Variants in GSTA1 observed in about 807,000 individuals in gnomAD.
GSTA1 encodes glutathione S-transferase alpha 1.
Under a neutral mutation model 21.5 loss-of-function variants are expected in GSTA1, and 23 were observed. That is an observed-to-expected ratio of 1.07 (90% CI 0.77 to 1.52). GSTA1 has a LOEUF of 1.52. Ranked by LOEUF, GSTA1 falls within the 40% of genes most tolerant of loss-of-function variation. GSTA1 has a pLI of 0.00. For synonymous variants in GSTA1, 125 were observed against 90.0 expected (o/e 1.39, Z -2.20); for missense variants, 301 against 264.2 (o/e 1.14, Z -0.96).
In GSTA1 at chr6:52,797,639, T is replaced by C; in HGVS notation, c.88-2A>G. On this transcript the variant is annotated splice_acceptor_variant, in intron 2 of 6. Coordinates refer to ENST00000334575, the MANE Select transcript of GSTA1 (RefSeq NM_145740.5). LOFTEE classifies it high-confidence loss of function. ...AGATTTTATAAATTTCTCTTCAAAC[T>C]GGAAGCAGAAACAGTAAATACGTTC... 1.2e-6 allele frequency: 2 copies of C among 1,604,936 alleles called. No individual in the cohort carries two copies. The highest frequency in any genetic ancestry group is 1.7e-6 in the Non-Finnish European group (2 of 1,172,122).
chr6:52,797,522 G>A lies in GSTA1; in HGVS notation c.139+64C>T, dbSNP rs1333369157. The A allele has an allele frequency of 1.5e-4, 191 of 1,291,940 alleles. 1 individual carries two copies. The East Asian group carries it at 2.6e-3, about 18-fold the overall frequency. 80.0% of individuals were successfully genotyped at this position (1,291,940 alleles called of 1,614,324 possible). A position where few individuals can be genotyped will look rare whatever the true frequency, so the allele number is the denominator to read the frequency against. On this transcript the variant is annotated intron_variant, in intron 3 of 6. Transcript: ENST00000334575. Reference sequence around the variant, plus strand: ...CACACCCATAGACATTGCCGGCTGCGCAAACCTCCCCGTGTACCTTCTACT... The same window carrying A: ...CACACCCATAGACATTGCCGGCTGCACAAACCTCCCCGTGTACCTTCTACT...
chr6:52,797,735 G>A (rs777101355), intron 2 of GSTA1, 98 bp from the exon 3 acceptor site: 1 of 1,090,190 alleles, frequency 9.2e-7, no homozygotes, highest in Non-Finnish European at 1.4e-6. Flanking sequence ...GAGAATACAA[G>A]ATTTCTGAGT....
chr6:52,802,411 T>C (rs537431512), intron 1 of GSTA1, among the ~76,000 whole-genome samples: 1 of 152,200 alleles, frequency 6.6e-6, no homozygotes, highest in Non-Finnish European at 1.5e-5. Context: ...TTTTCTCTTC[T>C]TAGAATAGAG....
At position 52,796,307 on chromosome 6, in the gene GSTA1, A is replaced by G; in HGVS notation, c.147T>C (p.Tyr49=). Residue 49 remains tyrosine, a synonymous_variant, in exon 4 of 7, where the codon TAT becomes TAC. Transcript: ENST00000334575. ...CCATTGGCACTTGCTGGAACATCAA[A>G]TATCCATCTTTAGAAGGAAGAAAAA... ...EDLDKLRNDG[Y]LMFQQVPMVE... 2 of 1,613,794 alleles carry G rather than the reference A, an allele frequency of 1.2e-6. No homozygotes were observed. The highest frequency in any genetic ancestry group is 1.1e-5 in the South Asian group (1 of 91,048).
intron 1 of GSTA1, 112 bp from the exon 2 acceptor site, chr6:52,799,409 T>C: frequency 1.4e-6 from 1 of 695,578 alleles, no homozygotes; most frequent in South Asian, 2.1e-5. Flanking sequence ...TCCTTCTTCA[T>C]GACTGTGTTG....
chr6:52,794,525 C>A (rs185065696), intron 4 of GSTA1, among the ~76,000 whole-genome samples: 1 of 152,248 alleles, frequency 6.6e-6, no homozygotes, highest in Non-Finnish European at 1.5e-5. Flanking sequence ...TGGTCACAGT[C>A]ATGAGAGAAA....
chr6:52,796,096 T>C (rs1454935530), intron 4 of GSTA1, 86 bp downstream of exon 4: 16 of 1,596,126 alleles, frequency 1.0e-5, no homozygotes, highest in Non-Finnish European at 1.4e-5. Context: ...CTGGTCATGA[T>C]GCCCTGCCAT....
intron 3 of GSTA1, among the ~76,000 whole-genome samples, chr6:52,796,781 G>C (rs1763601282): frequency 6.6e-6 from 1 of 151,342 alleles, no homozygotes; most frequent in Non-Finnish European, 1.5e-5. Context: ...GAACTGAAAT[G>C]ATCTACCCAC....
Position 52,799,280 on chromosome 6 carries a change from C to T in GSTA1, c.-13G>A, listed in dbSNP as rs368676333. ...GCTTCTCTGCCATGATAGCAGTCTC[C>T]TGGAGGTTTCTCTAAGCCTGAATGA... is the stretch of plus-strand genomic sequence containing the variant. On this transcript the variant is annotated 5_prime_UTR_variant, in exon 2 of 7. Coordinates refer to ENST00000334575, the MANE Select transcript of GSTA1 (RefSeq NM_145740.5). 1.0e-5 allele frequency: 16 copies of T among 1,605,400 alleles called. No individual in the cohort carries two copies. The highest frequency in any genetic ancestry group is 1.4e-5 in the Non-Finnish European group (16 of 1,174,616).
chr6:52,792,626 T>A, intron 6 of GSTA1: 1 of 1,100,534 alleles, frequency 9.1e-7, no homozygotes, highest in Non-Finnish European at 1.2e-6. Context: ...GTTCTTTCCA[T>A]AATAAAGGGC....
chr6:52,802,708 T>C lies in GSTA1; in HGVS notation c.-31+1077A>G, dbSNP rs1477998287. Among the ~76,000 whole-genome samples, 8 of 152,304 alleles carry C rather than the reference T, an allele frequency of 5.3e-5. No homozygotes were observed. In the South Asian group the frequency reaches 6.2e-4, roughly 12 times the overall value. ...TCAATCGTTCTATGTATCTATCTCT[T>C]TGTAATCTGTCTCTTCATCATCTAT... On this transcript the variant is annotated intron_variant, in intron 1 of 6. Transcript: ENST00000334575.
intron 1 of GSTA1, 82 bp downstream of exon 1, chr6:52,803,703 G>A (rs1262361004): frequency 5.7e-6 from 1 of 176,060 alleles, no homozygotes; most frequent in Non-Finnish European, 1.2e-5. Context: ...TTGTGCTAAG[G>A]ACACATATTA....
intron 3 of GSTA1, among the ~76,000 whole-genome samples, 197 bp from the exon 4 acceptor site, chr6:52,796,511 G>A (rs1471089489): frequency 3.9e-3 from 31 of 7,940 alleles, no homozygotes; most frequent in African/African-American, 9.3e-3. Flanking sequence ...GTGTGTGTGT[G>A]TGTGTGTGTG....
At position 52,792,127 on chromosome 6, in the gene GSTA1, A is replaced by T. The variant is rs376709684; in HGVS notation, c.547-147T>A. The stretch of plus-strand genomic sequence containing the variant: ...TGGAGGCAGAAACAGACACCCAGTG[A>T]GAAATGAAGATAAGGGGAAGGACAT... On this transcript the variant is annotated intron_variant, in intron 6 of 6. Coordinates refer to ENST00000334575, the MANE Select transcript of GSTA1 (RefSeq NM_145740.5). 3.3e-4 allele frequency: 391 copies of T among 1,168,014 alleles called. 1 individual carries two copies. The African/African-American group carries it at 5.6e-3, about 17-fold the overall frequency. The allele number at this position is 1,168,014 out of a possible 1,614,324, so 72.4% of individuals were successfully genotyped here.
chr6:52,792,649 G>T (rs146857219), intron 6 of GSTA1: 34 of 1,297,646 alleles, frequency 2.6e-5, no homozygotes, highest in Non-Finnish European at 3.5e-5. Context: ...AATACTCTTT[G>T]TGGGGTAGCA....
At chr6:52,799,977 T>A (rs556720289) in intron 1 of GSTA1, among the ~76,000 whole-genome samples, 71 of 152,320 alleles carry the variant, frequency 4.7e-4, no homozygotes, top group Non-Finnish European at 7.8e-4. Context: ...TCAGACTTGT[T>A]TAACTGTAGC....
At position 52,801,274 on chromosome 6, in the gene GSTA1, A is replaced by G. The variant is rs569819788; in HGVS notation, c.-30-1977T>C. ...TTTTAAAATATGGGAGTCAATAATTAACCTTTGGAAAGTAAAGAATTCTTT... is the reference window on the plus strand; with the variant it reads ...TTTTAAAATATGGGAGTCAATAATTGACCTTTGGAAAGTAAAGAATTCTTT... On this transcript the variant is annotated intron_variant, in intron 1 of 6. Coordinates refer to ENST00000334575, the MANE Select transcript of GSTA1 (RefSeq NM_145740.5). Among the ~76,000 whole-genome samples the G allele has an allele frequency of 2.6e-5, 4 of 152,356 alleles. No individual in the cohort carries two copies. The South Asian group carries it at 8.3e-4, about 32-fold the overall frequency.
chr6:52,792,049 A>T, intron 6 of GSTA1, 69 bp from the exon 7 acceptor site: 3 of 1,598,374 alleles, frequency 1.9e-6, no homozygotes, highest in Non-Finnish European at 2.6e-6. Flanking sequence ...TGACCCAGGG[A>T]ATCTGAGCCC....
intron 5 of GSTA1, among the ~76,000 whole-genome samples, chr6:52,793,914 A>G (rs1763515085): frequency 6.6e-6 from 1 of 152,220 alleles, no homozygotes; most frequent in African/African-American, 2.4e-5. Flanking sequence ...CCAGTAAATT[A>G]AAATTTTACT....
Sources: allele counts gnomAD v4.1 joint callset (sites outside exome capture counted in the v4.1 genomes callset), GRCh38; gene constraint gnomAD v4.1.1; transcripts MANE v1.5; gene names NCBI Gene and HGNC (gene_info 2026-07-23, HGNC 2026-07-21).